DNAH7: variants seen among roughly 807,000 people sequenced by gnomAD.
The protein encoded by DNAH7 is axonemal beta dynein heavy chain 7.
In DNAH7, 397 loss-of-function variants were observed where a neutral mutation model predicts 444.6. The ratio of observed to expected loss-of-function variants is 0.89; its 90% CI spans 0.82 to 0.97. The LOEUF (loss-of-function observed/expected upper bound fraction) is 0.97. Among genes scored for constraint, DNAH7 ranks in the 50% least tolerant of loss-of-function variants. The pLI, the probability that DNAH7 is intolerant of heterozygous loss-of-function variation, is 0.00. For synonymous variants in DNAH7, 1,636 were observed against 1,624.4 expected (o/e 1.01, Z -0.17); for missense variants, 4,902 against 4,800.8 (o/e 1.02, Z -0.62).
rs752559758 is a variant in DNAH7 at position 195,895,172 on chromosome 2, T to C, written c.4700A>G (p.Asn1567Ser). The change falls in exon 30 of 65, where the codon AAT becomes AGT. Residue 1567 changes from asparagine to serine, a missense_variant. Asn to Ser is a conservative substitution (Grantham distance 46, BLOSUM62 1). Coordinates refer to ENST00000312428, the MANE Select transcript of DNAH7 (RefSeq NM_018897.3). ...PGVKLPKPDYNDLLAAIKDNC... is the reference protein window; with the variant it reads ...PGVKLPKPDYSDLLAAIKDNC... ...GTCTTTGATAGCTGCCAGCAAATCATTGTAATCTGGTTTTGGTAATTTTAC... is the reference window on the plus strand; with the variant it reads ...GTCTTTGATAGCTGCCAGCAAATCACTGTAATCTGGTTTTGGTAATTTTAC... 59 of 1,612,396 alleles carry C rather than the reference T, an allele frequency of 3.7e-5. No individual in the cohort carries two copies. Among genetic ancestry groups the C allele is most frequent in the East Asian group, 8.9e-5 (4 of 44,780 alleles).
chr2:195,809,936 A>C (rs1696887165), intron 51 of DNAH7, 65 bp from the exon 52 acceptor site: 2 of 1,272,226 alleles, frequency 1.6e-6, no homozygotes, highest in Non-Finnish European at 2.0e-6. Flanking sequence ...GCTCTTAAGA[A>C]ACTTACATGT....
chr2:195,990,703 T>C (rs1462020462), intron 12 of DNAH7, among the ~76,000 whole-genome samples: 2 of 151,372 alleles, frequency 1.3e-5, no homozygotes, highest in African/African-American at 4.9e-5. Flanking sequence ...TTCTAGGTTA[T>C]CTATGCCATT....
At chr2:196,025,288 T>C (rs1695613967) in intron 7 of DNAH7, among the ~76,000 whole-genome samples, 1 of 152,196 alleles carries the variant, frequency 6.6e-6, no homozygotes. Context: ...GCTACCTCGC[T>C]TCTGTCTTCT....
intron 14 of DNAH7, 68 bp from the exon 15 acceptor site, chr2:195,984,778 A>G: frequency 8.7e-6 from 12 of 1,376,302 alleles, no homozygotes; most frequent in Non-Finnish European, 1.2e-5. Flanking sequence ...ATATTCCTGT[A>G]TACTGTTTAA....
intron 19 of DNAH7, among the ~76,000 whole-genome samples, chr2:195,939,161 T>C (rs1377809524): frequency 1.3e-5 from 2 of 152,084 alleles, no homozygotes; most frequent in East Asian, 1.9e-4. Flanking sequence ...GAAGCGACCC[T>C]TTTACTCCCC....
intron 47 of DNAH7, among the ~76,000 whole-genome samples, chr2:195,835,270 G>A (rs920621485): frequency 6.7e-6 from 1 of 148,928 alleles, no homozygotes; most frequent in Non-Finnish European, 1.5e-5. Flanking sequence ...TGAGAAGTAC[G>A]ACATTTTAAT....
At chr2:195,883,449 G>GCCCCCCCCC (rs1203503298) in intron 35 of DNAH7, among the ~76,000 whole-genome samples, 2 of 135,868 alleles carry the variant, frequency 1.5e-5, no homozygotes, top group African/African-American at 6.9e-5. Context: ...CTCAGTCCCC[G>GCCCCCCCCC]CTCCCCCCCC....
chr2:195,989,203 C>CA (rs1272341183), intron 12 of DNAH7, among the ~76,000 whole-genome samples: 2 of 152,096 alleles, frequency 1.3e-5, no homozygotes, highest in Non-Finnish European at 2.9e-5. Flanking sequence ...CATATATACC[C>CA]AATAGTGGGA....
chr2:195,739,567 A>G (rs1039367694), intron 64 of DNAH7, among the ~76,000 whole-genome samples: 1 of 152,220 alleles, frequency 6.6e-6, no homozygotes, highest in African/African-American at 2.4e-5. Flanking sequence ...GTGGCTTTTT[A>G]AATTGATGGT....
intron 21 of DNAH7, among the ~76,000 whole-genome samples, chr2:195,932,413 C>A (rs1292041961): frequency 6.6e-6 from 1 of 152,018 alleles, no homozygotes; most frequent in Non-Finnish European, 1.5e-5. Context: ...CCTTTATGTC[C>A]TTATGCCTGA....
intron 63 of DNAH7, among the ~76,000 whole-genome samples, chr2:195,749,286 C>T (rs1693630164): frequency 6.6e-6 from 1 of 151,876 alleles, no homozygotes. Flanking sequence ...AATGAGATAC[C>T]ATCTCACACC....
At chr2:195,746,060 G>C (rs890784064) in intron 63 of DNAH7, among the ~76,000 whole-genome samples, 6 of 152,144 alleles carry the variant, frequency 3.9e-5, no homozygotes, top group African/African-American at 1.4e-4. Context: ...CTGGCAAATT[G>C]GATAAAGAGT....
intron 59 of DNAH7, 134 bp from the exon 60 acceptor site, chr2:195,776,117 T>C (rs751229315): frequency 1.8e-6 from 2 of 1,132,268 alleles, no homozygotes; most frequent in South Asian, 3.3e-5. Flanking sequence ...TTGAGTGCTT[T>C]CACTTTCTTT....
intron 27 of DNAH7, 157 bp from the exon 28 acceptor site, chr2:195,900,651 G>T: frequency 1.6e-6 from 1 of 636,990 alleles, no homozygotes; most frequent in Non-Finnish European, 2.6e-6. Flanking sequence ...GGCTGGGAAA[G>T]GTGAGGTGGG....
At chr2:195,961,307 G>A (rs1382278616) in intron 17 of DNAH7, among the ~76,000 whole-genome samples, 1 of 152,092 alleles carries the variant, frequency 6.6e-6, no homozygotes. Context: ...GCTATTAGCT[G>A]TAGTTACCAA....
At position 195,861,824 on chromosome 2, in the gene DNAH7, A is replaced by G. The variant is rs911680514; in HGVS notation, c.7629T>C (p.Asp2543=). The G allele has an allele frequency of 6.2e-7, 1 of 1,613,628 alleles. No homozygotes were observed. The highest frequency in any genetic ancestry group is 8.5e-7 in the Non-Finnish European group (1 of 1,179,666). Residue 2543 remains aspartate, a synonymous_variant, in exon 42 of 65, where the codon GAT becomes GAC. Coordinates refer to ENST00000312428, the MANE Select transcript of DNAH7 (RefSeq NM_018897.3). Reference sequence around the variant, plus strand: ...GTTCAACAAAGAAAGATTTGGATAAATCTATAGTAGAAGTGTGGAAGCTTT... The same window carrying G: ...GTTCAACAAAGAAAGATTTGGATAAGTCTATAGTAGAAGTGTGGAAGCTTT... ...MCKSFHTSTI[D]LSKSFFVELQ...
intron 2 of DNAH7, among the ~76,000 whole-genome samples, chr2:196,051,530 G>A (rs570855329): frequency 2.0e-4 from 30 of 152,290 alleles, no homozygotes; most frequent in African/African-American, 7.0e-4. Context: ...CACTCTGGGA[G>A]GCTGAGGTGG....
chr2:196,030,501 T>C (rs1695983690), intron 5 of DNAH7, among the ~76,000 whole-genome samples: 1 of 152,208 alleles, frequency 6.6e-6, no homozygotes, highest in African/African-American at 2.4e-5. Flanking sequence ...TCTTAACTCA[T>C]TTCAGCATTA....
At chr2:196,017,702 G>C (rs1019615931) in intron 9 of DNAH7, among the ~76,000 whole-genome samples, 1 of 136,564 alleles carries the variant, frequency 7.3e-6, no homozygotes, top group Non-Finnish European at 1.5e-5. Flanking sequence ...CCATTAAGGG[G>C]GAAAAGGTAA....
Sources: gnomAD v4.1 joint callset for allele counts (sites outside exome capture counted in the v4.1 genomes callset) on GRCh38, gnomAD v4.1.1 for gene constraint, MANE v1.5 for transcripts, NCBI Gene and HGNC (gene_info 2026-07-23, HGNC 2026-07-21) for gene names.